The following LHPP variants were observed in gnomAD, a reference collection of about 807,000 sequenced individuals.
LHPP encodes the protein phospholysine phosphohistidine inorganic pyrophosphate phosphatase.
In LHPP, 24 loss-of-function variants were observed where a neutral mutation model predicts 30.3. That is an observed-to-expected ratio of 0.79 (90% CI 0.57 to 1.11). The LOEUF (loss-of-function observed/expected upper bound fraction) is 1.11, where lower values mean the gene tolerates loss of function less well. LHPP is among the 50% of genes most tolerant of loss of function. The pLI, the probability that LHPP is intolerant of heterozygous loss-of-function variation, is 0.00. For missense variants in LHPP, 356 were observed against 367.2 expected, an observed-to-expected ratio of 0.97 and a Z score of 0.25; for synonymous variants, 150 against 157.1, an observed-to-expected ratio of 0.95 and a Z score of 0.34.
Position 124,592,856 on chromosome 10 carries a change from G to C in LHPP, c.717-20408G>C, listed in dbSNP as rs1948898254. On this transcript the variant is annotated intron_variant, in intron 6 of 6. Coordinates refer to ENST00000368842, the MANE Select transcript of LHPP (RefSeq NM_022126.4). This position sits in a 1 kb window ranked among gnomAD's most constrained non-coding sequence, Gnocchi z 6.2. Reference sequence around the variant, plus strand: ...CGTCCAGGGCGCGGCAGCCCGCCAGGAGCCCGGGCAGCTTGGATGGGGTCC... The same window carrying C: ...CGTCCAGGGCGCGGCAGCCCGCCAGCAGCCCGGGCAGCTTGGATGGGGTCC... 1.3e-5 allele frequency among the ~76,000 whole-genome samples: 2 copies of C among 152,232 alleles called. No homozygotes were observed. Among genetic ancestry groups the C allele is most frequent in the African/African-American group, 2.4e-5 (1 of 41,468 alleles).
chr10:124,567,034 C>T (rs529229236), intron 6 of LHPP, among the ~76,000 whole-genome samples: 9 of 152,290 alleles, frequency 5.9e-5, no homozygotes, highest in East Asian at 1.9e-4. Context: ...GCAGAGCTCC[C>T]GGTGGAGAGG....
chr10:124,596,219 C>A lies in LHPP; in HGVS notation c.717-17045C>A, dbSNP rs527956465. ...ATGAACAGAGCTGATCAGAACATAT[C>A]TGTCCATGGCTCTTGGTGGACATAG... On this transcript the variant is annotated intron_variant, in intron 6 of 6. Coordinates refer to ENST00000368842, the MANE Select transcript of LHPP (RefSeq NM_022126.4). The surrounding 1 kb of genome is among the most constrained non-coding windows in gnomAD (Gnocchi z 4.6). 9.2e-5 allele frequency among the ~76,000 whole-genome samples: 14 copies of A among 152,258 alleles called. No homozygotes were observed. Among genetic ancestry groups the A allele is most frequent in the African/African-American group, 3.4e-4 (14 of 41,554 alleles).
intron 6 of LHPP, among the ~76,000 whole-genome samples, chr10:124,536,507 A>G (rs1955031820): frequency 6.6e-6 from 1 of 152,144 alleles, no homozygotes. Context: ...AGGGCAGGAC[A>G]TGGACAGGCC....
At chr10:124,527,733 G>T (rs925997424) in intron 6 of LHPP, among the ~76,000 whole-genome samples, 1 of 152,210 alleles carries the variant, frequency 6.6e-6, no homozygotes, top group South Asian at 2.1e-4. Context: ...GTCCCCTGCC[G>T]CGTGCTAACC....
chr10:124,577,170 G>T (rs1322388139), intron 6 of LHPP, among the ~76,000 whole-genome samples: 1 of 152,166 alleles, frequency 6.6e-6, no homozygotes, highest in Non-Finnish European at 1.5e-5. Context: ...CAGGAGAAGG[G>T]CCAGGTAGGC....
chr10:124,527,799 G>A (rs1036219510), intron 6 of LHPP, among the ~76,000 whole-genome samples: 3 of 150,172 alleles, frequency 2.0e-5, no homozygotes, highest in African/African-American at 7.3e-5. Context: ...TTTTCTTTTT[G>A]AGATGCGGTC....
At chr10:124,515,515 C>T (rs368803253) in intron 5 of LHPP, among the ~76,000 whole-genome samples, 4 of 152,176 alleles carry the variant, frequency 2.6e-5, no homozygotes, top group East Asian at 1.9e-4. Context: ...CTTCTTTGCA[C>T]GTCTGATCAT....
At chr10:124,588,220 C>T (rs1465704611) in intron 6 of LHPP, among the ~76,000 whole-genome samples, 2 of 152,238 alleles carry the variant, frequency 1.3e-5, no homozygotes, top group Non-Finnish European at 2.9e-5. Context: ...CTCTGCTGCC[C>T]TCCAAGGTGC....
At chr10:124,527,143 T>C (rs986221336) in intron 6 of LHPP, among the ~76,000 whole-genome samples, 3 of 152,200 alleles carry the variant, frequency 2.0e-5, no homozygotes, top group Admixed American at 1.3e-4. Flanking sequence ...CCGCTGCTGC[T>C]CTGCGGCTCG....
intron 6 of LHPP, among the ~76,000 whole-genome samples, chr10:124,521,391 G>GC (rs1403065708): frequency 6.6e-6 from 1 of 152,218 alleles, no homozygotes; most frequent in Non-Finnish European, 1.5e-5. Context: ...ACAGCGGTGA[G>GC]CCCCCCAGGG....
chr10:124,610,693 GGGTGCA>G (rs1439905774), intron 6 of LHPP, among the ~76,000 whole-genome samples: 13 of 89,034 alleles, frequency 1.5e-4, no homozygotes, highest in African/African-American at 8.0e-4. Flanking sequence ...GTGCGGGTGC[GGGTGCA>G]GGTGAGGGTG....
chr10:124,552,145 TC>T (rs1227029396), intron 6 of LHPP, among the ~76,000 whole-genome samples: 1 of 152,084 alleles, frequency 6.6e-6, no homozygotes, highest in African/African-American at 2.4e-5. Flanking sequence ...GCTCTTGCCC[TC>T]CAGCCTTTCC....
At chr10:124,572,585 C>T (rs1373581272) in intron 6 of LHPP, among the ~76,000 whole-genome samples, 2 of 151,170 alleles carry the variant, frequency 1.3e-5, no homozygotes, top group Non-Finnish European at 2.9e-5. Flanking sequence ...AAACCGAGAT[C>T]ACGCCATTGC....
chr10:124,493,802 ACAGGAGAAATACGTCG>A (rs538865848), intron 3 of LHPP: 197 of 152,306 alleles, frequency 1.3e-3, no homozygotes, highest in African/African-American at 4.5e-3. Context: ...GTAACCAGTA[ACAGGAGAAATACGTCG>A]CATCTCTAGT....
At chr10:124,551,335 T>C (rs1948161120) in intron 6 of LHPP, among the ~76,000 whole-genome samples, 1 of 151,940 alleles carries the variant, frequency 6.6e-6, no homozygotes, top group African/African-American at 2.4e-5. Flanking sequence ...CCTCCACCCC[T>C]CCCTCTGCAT....
intron 1 of LHPP, among the ~76,000 whole-genome samples, chr10:124,473,639 A>C (rs535790362): frequency 6.6e-6 from 1 of 152,256 alleles, no homozygotes; most frequent in Non-Finnish European, 1.5e-5. Flanking sequence ...TGCAAGAATT[A>C]AGTGAAATAT....
chr10:124,535,663 A>G (rs547555075), intron 6 of LHPP, among the ~76,000 whole-genome samples: 1 of 151,456 alleles, frequency 6.6e-6, no homozygotes, highest in Non-Finnish European at 1.5e-5. Context: ...CCACATCGGG[A>G]TCCCAAAGTG....
In LHPP at chr10:124,517,044, T is replaced by C. The variant is rs529858638; in HGVS notation, c.625-136T>C. 1.2e-5 allele frequency: 7 copies of C among 601,498 alleles called. No homozygotes were observed. In the East Asian group the frequency reaches 2.1e-4, roughly 18 times the overall value. The allele number at this position is 601,498 out of a possible 1,614,324, so 37.3% of individuals were successfully genotyped here. ...TGACTTTTAATCAATACGATGACAA[T>C]ATTATCTTGTTTAATTTGTATGATG... On this transcript the variant is annotated intron_variant, in intron 5 of 6. Transcript: ENST00000368842. This position sits in a 1 kb window ranked among gnomAD's most constrained non-coding sequence, Gnocchi z 4.1.
rs1589722717 is a variant in LHPP, at chr10:124,612,953, G to A, written c.717-311G>A. ...CACTCATGTCCCCACCATCCAAGGT[G>A]AGATGTCTGTGCTGGAGGCCCAGAG... On this transcript the variant is annotated intron_variant, in intron 6 of 6. Coordinates refer to ENST00000368842, the MANE Select transcript of LHPP (RefSeq NM_022126.4). The A allele has an allele frequency of 1.1e-5, 5 of 435,970 alleles. No individual in the cohort carries two copies. The East Asian group carries it at 1.7e-4, about 15-fold the overall frequency. The allele number at this position is 435,970 out of a possible 1,614,324, so 27.0% of individuals were successfully genotyped here.
Sources: allele counts gnomAD v4.1 joint callset (sites outside exome capture counted in the v4.1 genomes callset), GRCh38; gene constraint gnomAD v4.1.1; non-coding constraint Gnocchi (gnomAD v3.1); transcripts MANE v1.5; gene names NCBI Gene and HGNC (gene_info 2026-07-23, HGNC 2026-07-21).